Variants in TRDMT1 observed in about 807,000 individuals in gnomAD.
TRDMT1 encodes tRNA aspartic acid methyltransferase 1.
A neutral mutation model predicts 51.2 loss-of-function variants in TRDMT1; 49 were observed. The observed-to-expected ratio is 0.96, with a 90% CI of 0.76 to 1.21. The LOEUF is 1.21. Ranked by LOEUF, TRDMT1 falls within the 50% of genes most tolerant of loss-of-function variation. The pLI is 0.00. For synonymous variants in TRDMT1, 187 were observed against 164.6 expected (o/e 1.14, Z -1.04); for missense variants, 534 against 462.3 (o/e 1.16, Z -1.42).
Position 17,138,842 on chromosome 10 carries a change from T to C in TRDMT1, c.*10198A>G, listed in dbSNP as rs540268498. Among the ~76,000 whole-genome samples the C allele has an allele frequency of 8.6e-5, 13 of 151,692 alleles. No homozygotes were observed. The South Asian group carries it at 2.7e-3, about 32-fold the overall frequency. On this transcript the variant is annotated 3_prime_UTR_variant, in exon 11 of 11. Coordinates refer to ENST00000377799, the MANE Select transcript of TRDMT1 (RefSeq NM_004412.7). ...TTCAAATCCAGAGGGACAAACGCAA[T>C]AGGGGAATAGGGCTTTGGAGGAGGA...
At chr10:17,151,563 A>T in intron 10 of TRDMT1, 2 of 985,666 alleles carry the variant, frequency 2.0e-6, no homozygotes, top group South Asian at 9.4e-5. Context: ...TGGTGACATC[A>T]GGGTAAGCTC....
At chr10:17,200,284 A>G (rs184637800) in intron 1 of TRDMT1, among the ~76,000 whole-genome samples, 2 of 152,368 alleles carry the variant, frequency 1.3e-5, no homozygotes, top group Non-Finnish European at 2.9e-5. Flanking sequence ...GCAATTCATT[A>G]AGGAGTTTCA....
chr10:17,156,144 A>G (rs1839465539), intron 8 of TRDMT1, among the ~76,000 whole-genome samples: 2 of 152,170 alleles, frequency 1.3e-5, no homozygotes, highest in South Asian at 4.1e-4. Context: ...GAAGGTAAGA[A>G]CAGAAAGCCT....
At chr10:17,149,413 T>C (rs1234423506) in intron 10 of TRDMT1, among the ~76,000 whole-genome samples, 1 of 152,150 alleles carries the variant, frequency 6.6e-6, no homozygotes, top group Non-Finnish European at 1.5e-5. Context: ...GAGAAATGCA[T>C]GTATTAGTGC....
intron 1 of TRDMT1, among the ~76,000 whole-genome samples, chr10:17,179,754 TAA>T (rs10709345): frequency 0.041 from 5,187 of 126,980 alleles, 202 homozygotes; most frequent in African/African-American, 0.12. Context: ...TCTCTACTAA[TAA>T]AAAAAAAAAA....
Position 17,187,877 on chromosome 10 carries a change from A to G in TRDMT1, c.65-13217T>C, listed in dbSNP as rs375831451. On this transcript the variant is annotated intron_variant, in intron 1 of 10. Transcript: ENST00000377799. ...TTAATCCCCTATTTTCCCCATGAAA[A>G]TATCCAAAATTAGATTTCTGGCCAT... Among the ~76,000 whole-genome samples the G allele has an allele frequency of 1.6e-4, 25 of 152,262 alleles. No individual in the cohort carries two copies. The East Asian group carries it at 4.1e-3, about 25-fold the overall frequency.
rs1414156086 is a variant in TRDMT1 at position 17,153,600 on chromosome 10, G to A, written c.982C>T (p.Gln328Ter). ...NIYKSLTNLS[Q>*]EEQITKLLIL... ...AACAGCTTTGTTATCTGTTCTTCTTGTGACAAATTGGTAAGGGATTTGTAG... is the reference window on the plus strand; with the variant it reads ...AACAGCTTTGTTATCTGTTCTTCTTATGACAAATTGGTAAGGGATTTGTAG... The change falls in exon 10 of 11, where the codon CAA becomes TAA. Residue 328 changes from glutamine (Q) to a stop codon, truncating the protein, a stop_gained. Transcript: ENST00000377799. LOFTEE classifies it high-confidence loss of function. 2 of 1,603,608 alleles carry A rather than the reference G, an allele frequency of 1.2e-6. No homozygotes were observed. Among genetic ancestry groups the A allele is most frequent in the East Asian group, 2.2e-5 (1 of 44,750 alleles).
intron 8 of TRDMT1, among the ~76,000 whole-genome samples, chr10:17,156,416 G>C (rs935939289): frequency 6.6e-6 from 1 of 151,850 alleles, no homozygotes; most frequent in Non-Finnish European, 1.5e-5. Flanking sequence ...TGTAGTCTTC[G>C]TACAGACAGG....
At chr10:17,186,049 TAATAAATAAATAAATA>T (rs10688504) in intron 1 of TRDMT1, among the ~76,000 whole-genome samples, 79 of 143,076 alleles carry the variant, frequency 5.5e-4, no homozygotes, top group Admixed American at 1.2e-3. Flanking sequence ...ACTTACAGTA[TAATAAATAAATAAATA>T]AATAAATAAA....
At chr10:17,153,321 A>C in intron 10 of TRDMT1, 186 bp downstream of exon 10, 1 of 641,012 alleles carries the variant, frequency 1.6e-6, no homozygotes, top group Non-Finnish European at 2.6e-6. Context: ...AGAATGAGTC[A>C]GTAGAGAACC....
intron 10 of TRDMT1, chr10:17,151,934 A>G (rs1838790467): frequency 8.5e-7 from 1 of 1,177,308 alleles, no homozygotes; most frequent in African/African-American, 1.6e-5. Flanking sequence ...GGGATATGAA[A>G]TCATTCAGTC....
rs548648957 is a variant in TRDMT1, at chr10:17,186,144, G to C, written c.65-11484C>G. On this transcript the variant is annotated intron_variant, in intron 1 of 10. Coordinates refer to ENST00000377799, the MANE Select transcript of TRDMT1 (RefSeq NM_004412.7). ...CAGTCAATATTTCAATGAATATTTGGTGGTATACATTTAAAACCCAAAAAA... is the reference window on the plus strand; with the variant it reads ...CAGTCAATATTTCAATGAATATTTGCTGGTATACATTTAAAACCCAAAAAA... 3.3e-5 allele frequency among the ~76,000 whole-genome samples: 5 copies of C among 152,044 alleles called. No individual in the cohort carries two copies. In the South Asian group the frequency reaches 1.0e-3, roughly 32 times the overall value.
chr10:17,194,209 A>G (rs538585111), intron 1 of TRDMT1, among the ~76,000 whole-genome samples: 6 of 152,384 alleles, frequency 3.9e-5, no homozygotes, highest in African/African-American at 1.4e-4. Flanking sequence ...GAATTCTAGA[A>G]GAAAACCTAG....
chr10:17,150,565 T>C (rs1183929382), intron 10 of TRDMT1: 1 of 985,246 alleles, frequency 1.0e-6, no homozygotes, highest in Non-Finnish European at 1.2e-6. Flanking sequence ...TTAGTTATAA[T>C]GGCAGGATTC....
At chr10:17,155,520 T>C (rs150233794) in intron 8 of TRDMT1, among the ~76,000 whole-genome samples, 164 of 152,264 alleles carry the variant, frequency 1.1e-3, no homozygotes, top group African/African-American at 3.7e-3. Context: ...GCAAACACAG[T>C]GCCACTGATC....
chr10:17,154,562 TA>T, intron 9 of TRDMT1, 114 bp downstream of exon 9: 1 of 564,240 alleles, frequency 1.8e-6, no homozygotes, highest in Non-Finnish European at 2.8e-6. Context: ...TATGAATGAA[TA>T]AAATATATAT....
In TRDMT1 at chr10:17,192,417, G is replaced by A. The variant is rs537246713; in HGVS notation, c.64+9154C>T. ...ATATTACAGAGAAGCTTATTTCAAA[G>A]TTCGTCCAAATTATGAACATAGTTG... is the stretch of plus-strand genomic sequence containing the variant. On this transcript the variant is annotated intron_variant, in intron 1 of 10. Transcript: ENST00000377799. Among the ~76,000 whole-genome samples, 17 of 152,320 alleles carry A rather than the reference G, an allele frequency of 1.1e-4. No individual in the cohort carries two copies. In the South Asian group the frequency reaches 2.1e-3, roughly 19 times the overall value.
Position 17,147,531 on chromosome 10 carries a change from C to T in TRDMT1, c.*1509G>A. 4.8e-6 allele frequency: 1 copy of T among 208,314 alleles called. No individual in the cohort carries two copies. The highest frequency in any genetic ancestry group is 8.4e-6 in the Non-Finnish European group (1 of 119,292). 12.9% of individuals were successfully genotyped at this position (208,314 alleles called of 1,614,324 possible). A position where few individuals can be genotyped will look rare whatever the true frequency, so the allele number is the denominator to read the frequency against. On this transcript the variant is annotated 3_prime_UTR_variant, in exon 11 of 11. Coordinates refer to ENST00000377799, the MANE Select transcript of TRDMT1 (RefSeq NM_004412.7). ...ACTTTCTCATCACCCCAATCAGAAACTTTGTATCCATTATGCACTAACTAC... is the reference window on the plus strand; with the variant it reads ...ACTTTCTCATCACCCCAATCAGAAATTTTGTATCCATTATGCACTAACTAC...
intron 3 of TRDMT1, among the ~76,000 whole-genome samples, chr10:17,167,901 G>C (rs1438271701): frequency 1.3e-5 from 2 of 152,088 alleles, no homozygotes; most frequent in Non-Finnish European, 2.9e-5. Flanking sequence ...TTGTGTCTTA[G>C]GTAAGTATAA....
Sources: gnomAD v4.1 joint callset for allele counts (sites outside exome capture counted in the v4.1 genomes callset) on GRCh38, gnomAD v4.1.1 for gene constraint, MANE v1.5 for transcripts, NCBI Gene and HGNC (gene_info 2026-07-23, HGNC 2026-07-21) for gene names.